PABPC4L: variants seen among roughly 807,000 people sequenced by gnomAD.
PABPC4L encodes polyadenylate-binding protein 4-like.
For synonymous variants in PABPC4L, 169 were observed against 164.1 expected (o/e 1.03, Z -0.23); for missense variants, 452 against 451.4 (o/e 1.00, Z -0.01).
chr4:134,007,296 T>C, the PABPC4L span, among the ~76,000 whole-genome samples: 4 of 151,748 alleles, frequency 2.6e-5, no homozygotes, highest in Admixed American at 6.6e-5. Flanking sequence ...TTTTAATATG[T>C]GGATTAAAGA....
the PABPC4L span, among the ~76,000 whole-genome samples, chr4:134,111,379 C>T: frequency 6.6e-6 from 1 of 151,806 alleles, no homozygotes; most frequent in Non-Finnish European, 1.5e-5. Flanking sequence ...CAAACGATAA[C>T]AATATATAGA....
the PABPC4L span, among the ~76,000 whole-genome samples, chr4:133,965,855 C>T: frequency 6.6e-6 from 1 of 152,018 alleles, no homozygotes; most frequent in African/African-American, 2.4e-5. Flanking sequence ...AGACTTGAAA[C>T]CATAAAAATT....
chr4:134,128,813 A>ATC, the PABPC4L span, among the ~76,000 whole-genome samples: 1 of 152,188 alleles, frequency 6.6e-6, no homozygotes, highest in Non-Finnish European at 1.5e-5. Context: ...ATAGAATAGT[A>ATC]TCTCACATCT....
chr4:134,178,365 CAAA>C, the PABPC4L span, among the ~76,000 whole-genome samples: 32,065 of 104,166 alleles, frequency 0.31, 4,694 homozygotes, highest in East Asian at 0.84. Flanking sequence ...AAGAAAAAAG[CAAA>C]AAAAAAAAAA....
chr4:133,972,021 C>CCATA, the PABPC4L span, among the ~76,000 whole-genome samples: 1 of 152,150 alleles, frequency 6.6e-6, no homozygotes, highest in African/African-American at 2.4e-5. Context: ...TTCTTCACTA[C>CCATA]CATAACCCAG....
chr4:134,156,526 CG>C, the PABPC4L span, among the ~76,000 whole-genome samples: 1 of 150,786 alleles, frequency 6.6e-6, no homozygotes, highest in Non-Finnish European at 1.5e-5. Context: ...TGTGGATGCA[CG>C]GAAAAAAATA....
chr4:134,035,879 C>A, the PABPC4L span, among the ~76,000 whole-genome samples: 1 of 151,982 alleles, frequency 6.6e-6, no homozygotes, highest in Admixed American at 6.6e-5. Context: ...TTTTCATTTG[C>A]TTGTTTTTCT....
the PABPC4L span, among the ~76,000 whole-genome samples, chr4:133,960,572 G>A: frequency 6.6e-6 from 1 of 152,186 alleles, no homozygotes; most frequent in East Asian, 1.9e-4. Flanking sequence ...CTCCTGGTCA[G>A]AACTCGGGGG....
At chr4:134,105,943 G>T in the PABPC4L span, among the ~76,000 whole-genome samples, 1 of 151,636 alleles carries the variant, frequency 6.6e-6, no homozygotes, top group African/African-American at 2.4e-5. Context: ...TAATCCAGAA[G>T]AAAACAATTT....
the PABPC4L span, among the ~76,000 whole-genome samples, chr4:134,111,099 G>A: frequency 6.6e-6 from 1 of 151,984 alleles, no homozygotes; most frequent in African/African-American, 2.4e-5. Context: ...TCAGTTATCT[G>A]GTAAGGGTCC....
At chr4:134,093,687 A>G in the PABPC4L span, among the ~76,000 whole-genome samples, 211 of 151,196 alleles carry the variant, frequency 1.4e-3, 1 homozygote, top group African/African-American at 4.8e-3. Flanking sequence ...AAATTCAAAT[A>G]GCTTTTCCTC....
At chr4:134,174,733 C>T in the PABPC4L span, among the ~76,000 whole-genome samples, 291 of 152,036 alleles carry the variant, frequency 1.9e-3, 2 homozygotes, top group Non-Finnish European at 2.2e-3. Context: ...CATTATTGTT[C>T]TCCTTTTTGT....
the PABPC4L span, among the ~76,000 whole-genome samples, chr4:133,952,823 C>A: frequency 6.6e-6 from 1 of 152,070 alleles, no homozygotes; most frequent in South Asian, 2.1e-4. Flanking sequence ...CTAGTTTCTG[C>A]GTCGGGGACA....
the PABPC4L span, among the ~76,000 whole-genome samples, chr4:134,008,782 T>C: frequency 6.6e-6 from 1 of 151,802 alleles, no homozygotes; most frequent in East Asian, 1.9e-4. Context: ...AGACATAATA[T>C]GTAGGATGGT....
At chr4:134,125,396 T>C in the PABPC4L span, among the ~76,000 whole-genome samples, 2 of 152,096 alleles carry the variant, frequency 1.3e-5, no homozygotes, top group African/African-American at 4.8e-5. Context: ...TGTGCCATGC[T>C]GTTGTGTTGC....
the PABPC4L span, among the ~76,000 whole-genome samples, chr4:134,000,858 A>G: frequency 7.0e-4 from 106 of 152,212 alleles, no homozygotes; most frequent in African/African-American, 2.2e-3. Context: ...ACCATCAGCA[A>G]TCTGGCTTCC....
the PABPC4L span, among the ~76,000 whole-genome samples, chr4:134,162,629 A>T: frequency 6.6e-6 from 1 of 152,158 alleles, no homozygotes; most frequent in Admixed American, 6.5e-5. Context: ...AAGTCTGAAT[A>T]ATTTTTTAAA....
chr4:134,193,180 A>AT (rs1187800586), downstream of PABPC4L, among the ~76,000 whole-genome samples: 1 of 151,824 alleles, frequency 6.6e-6, no homozygotes, highest in Non-Finnish European at 1.5e-5. Context: ...AGAAGCAGTG[A>AT]TTTTCTACTG....
chr4:134,050,727 A>AAAAAAAATT, the PABPC4L span, among the ~76,000 whole-genome samples: 1 of 145,694 alleles, frequency 6.9e-6, no homozygotes, highest in African/African-American at 2.5e-5. Flanking sequence ...AAAAAAAAAA[A>AAAAAAAATT]GTGAAAGACA....
Sources: gnomAD v4.1 joint callset for allele counts (sites outside exome capture counted in the v4.1 genomes callset) on GRCh38, gnomAD v4.1.1 for gene constraint, MANE v1.5 for transcripts, NCBI Gene and HGNC (gene_info 2026-07-23, HGNC 2026-07-21) for gene names.